OLFM3: variants seen among roughly 807,000 people sequenced by gnomAD.
OLFM3 encodes the protein olfactomedin 3, also known as noelin-3.
A neutral mutation model predicts 48.6 loss-of-function variants in OLFM3; 20 were observed. That is an observed-to-expected ratio of 0.41 (90% CI 0.29 to 0.60). The LOEUF (loss-of-function observed/expected upper bound fraction) is 0.60. Among genes scored for constraint, OLFM3 ranks in the 20% least tolerant of loss-of-function variants. The probability of loss-of-function intolerance (pLI) is 0.28; values close to 1 mark genes in which losing one functional copy is unlikely to be tolerated. For missense variants in OLFM3, 437 were observed against 544.3 expected, an observed-to-expected ratio of 0.80 and a Z score of 1.96; for synonymous variants, 222 against 198.1, an observed-to-expected ratio of 1.12 and a Z score of -1.01.
At chr1:101,960,018 T>G (rs2101082329) in intron 1 of OLFM3, among the ~76,000 whole-genome samples, 1 of 152,282 alleles carries the variant, frequency 6.6e-6, no homozygotes, top group Admixed American at 6.5e-5. Context: ...AAAGTGTTTC[T>G]TTTGCAACAC....
intron 1 of OLFM3, among the ~76,000 whole-genome samples, chr1:101,878,848 T>C (rs1009225998): frequency 1.3e-5 from 2 of 151,964 alleles, no homozygotes; most frequent in African/African-American, 4.8e-5. Flanking sequence ...ATAGTTCAGT[T>C]GGCAGAGAGC....
chr1:101,861,009 T>C (rs569282151), intron 1 of OLFM3, among the ~76,000 whole-genome samples: 24 of 152,060 alleles, frequency 1.6e-4, no homozygotes, highest in Admixed American at 5.9e-4. Flanking sequence ...TGCAGAAGAG[T>C]TAATGCATTG....
intron 1 of OLFM3, among the ~76,000 whole-genome samples, chr1:101,970,198 G>C (rs927140925): frequency 2.6e-5 from 4 of 152,046 alleles, no homozygotes; most frequent in African/African-American, 7.2e-5. Flanking sequence ...TGTATTTTTA[G>C]TAGAGTTGGG....
At chr1:101,961,301 T>C (rs1402223411) in intron 1 of OLFM3, among the ~76,000 whole-genome samples, 1 of 150,244 alleles carries the variant, frequency 6.7e-6, no homozygotes, top group Non-Finnish European at 1.5e-5. Context: ...AAAATTTAAG[T>C]TCAGTAAACA....
intron 1 of OLFM3, among the ~76,000 whole-genome samples, chr1:101,980,849 GA>G (rs1201784414): frequency 3.3e-5 from 5 of 151,810 alleles, no homozygotes; most frequent in South Asian, 2.1e-4. Flanking sequence ...TAGGGTCAGT[GA>G]AAAAAAATAA....
intron 1 of OLFM3, among the ~76,000 whole-genome samples, chr1:101,992,089 A>T (rs551070625): frequency 1.3e-4 from 20 of 152,246 alleles, no homozygotes; most frequent in African/African-American, 3.8e-4. Flanking sequence ...CCAAAGTCAC[A>T]TCTATGTATA....
chr1:101,882,284 A>G (rs1245225819), intron 1 of OLFM3, among the ~76,000 whole-genome samples: 1 of 148,512 alleles, frequency 6.7e-6, no homozygotes, highest in East Asian at 2.0e-4. Flanking sequence ...CAACAAAACA[A>G]CACTATGTTA....
intron 1 of OLFM3, among the ~76,000 whole-genome samples, chr1:101,968,550 A>AAAGGCAT (rs1553184179): frequency 6.8e-6 from 1 of 147,572 alleles, no homozygotes; most frequent in African/African-American, 2.5e-5. Context: ...AAAAAAAAAA[A>AAAGGCAT]AGGCATTAGT....
intron 3 of OLFM3, among the ~76,000 whole-genome samples, chr1:101,829,642 C>T (rs781229582): frequency 2.0e-5 from 3 of 152,234 alleles, no homozygotes; most frequent in Non-Finnish European, 1.5e-5. Flanking sequence ...GCACTCCTTT[C>T]CTTGCCCAAG....
intron 1 of OLFM3, among the ~76,000 whole-genome samples, chr1:101,954,195 C>A (rs978928835): frequency 6.6e-6 from 1 of 151,858 alleles, no homozygotes. Flanking sequence ...AAGAACTGAC[C>A]AAATTGCCCA....
chr1:101,876,833 A>T (rs796318896), intron 1 of OLFM3, among the ~76,000 whole-genome samples: 16 of 152,038 alleles, frequency 1.1e-4, no homozygotes, highest in African/African-American at 3.1e-4. Flanking sequence ...GTGTCATGTA[A>T]TTGTGTTCAT....
intron 1 of OLFM3, among the ~76,000 whole-genome samples, chr1:101,883,333 C>T (rs1359485555): frequency 1.3e-5 from 2 of 149,962 alleles, no homozygotes; most frequent in East Asian, 3.9e-4. Flanking sequence ...AATTTATATA[C>T]TCTATATATA....
chr1:101,882,329 ATAAT>A (rs1039815267), intron 1 of OLFM3, among the ~76,000 whole-genome samples: 15 of 100,470 alleles, frequency 1.5e-4, no homozygotes, highest in African/African-American at 5.1e-4. Flanking sequence ...ATATATATAT[ATAAT>A]ATATATATAT....
intron 1 of OLFM3, among the ~76,000 whole-genome samples, chr1:101,878,017 C>T (rs1465264067): frequency 6.6e-6 from 1 of 151,696 alleles, no homozygotes; most frequent in Non-Finnish European, 1.5e-5. Context: ...ACCTCAGGAG[C>T]ATACTCTTGA....
At chr1:101,861,101 G>T (rs1656634377) in intron 1 of OLFM3, among the ~76,000 whole-genome samples, 1 of 151,930 alleles carries the variant, frequency 6.6e-6, no homozygotes, top group African/African-American at 2.4e-5. Flanking sequence ...TTGCTGTGTT[G>T]CCCAGGCTGG....
intron 1 of OLFM3, among the ~76,000 whole-genome samples, chr1:101,984,168 G>A (rs7536692): frequency 0.17 from 25,457 of 150,014 alleles, 2,420 homozygotes; most frequent in Non-Finnish European, 0.19. Context: ...GAGCCTGGGA[G>A]GCAGAGGTTG....
chr1:101,810,218 G>A (rs1653983445), intron 4 of OLFM3, among the ~76,000 whole-genome samples: 1 of 151,906 alleles, frequency 6.6e-6, no homozygotes, highest in African/African-American at 2.4e-5. Context: ...GAATAGTCAT[G>A]AAATCATATT....
chr1:101,944,138 TTAAA>T (rs1262327671), intron 1 of OLFM3, among the ~76,000 whole-genome samples: 3 of 151,674 alleles, frequency 2.0e-5, no homozygotes, highest in Non-Finnish European at 2.9e-5. Flanking sequence ...ACCAATGATG[TTAAA>T]TAATCTGTGC....
intron 1 of OLFM3, among the ~76,000 whole-genome samples, chr1:101,863,967 G>A (rs967109168): frequency 6.6e-6 from 1 of 152,146 alleles, no homozygotes; most frequent in African/African-American, 2.4e-5. Flanking sequence ...GGATCTCTGA[G>A]CAACTTGATG....
Sources: allele counts gnomAD v4.1 joint callset (sites outside exome capture counted in the v4.1 genomes callset), GRCh38; gene constraint gnomAD v4.1.1; transcripts MANE v1.5; gene names NCBI Gene and HGNC (gene_info 2026-07-23, HGNC 2026-07-21).